FASTKD2: variants seen among roughly 807,000 people sequenced by gnomAD.
FASTKD2 encodes the protein FAST kinase domain-containing protein 2, mitochondrial.
A neutral mutation model predicts 63.6 loss-of-function variants in FASTKD2; 51 were observed. The ratio of observed to expected loss-of-function variants is 0.80; its 90% CI spans 0.64 to 1.01. The LOEUF is 1.01. Ranked by LOEUF, FASTKD2 falls within the 50% of genes least tolerant of loss-of-function variation. FASTKD2 has a pLI of 0.00. For synonymous variants in FASTKD2, 284 were observed against 293.4 expected (o/e 0.97, Z 0.33); for missense variants, 786 against 831.1 (o/e 0.95, Z 0.67).
Position 206,790,571 on chromosome 2 carries a change from G to A in FASTKD2, c.1899-1G>A, listed in dbSNP as rs750692484. ...CTTGTTTTGTTTATTTTTGTTTTCA[G>A]AGTAGCTGTGCTATGTGTTTCCAGA... is the stretch of plus-strand genomic sequence containing the variant. On this transcript the variant is annotated splice_acceptor_variant, in intron 10 of 11. Coordinates refer to ENST00000402774, the MANE Select transcript of FASTKD2 (RefSeq NM_001136193.2). LOFTEE classifies it high-confidence loss of function. 1 of 1,553,498 alleles carries A rather than the reference G, an allele frequency of 6.4e-7. No homozygotes were observed. The highest frequency in any genetic ancestry group is 8.9e-7 in the Non-Finnish European group (1 of 1,124,966).
rs543042440 is a variant in FASTKD2 at position 206,765,668 on chromosome 2, G to T, written c.-130G>T. On this transcript the variant is annotated 5_prime_UTR_variant, in exon 1 of 12. Transcript: ENST00000402774. ...TTGTGCTCTAAGGTGAGTGGAGGACGAGCTTGGGCTTAGCGGCAGCCCGTA... is the reference window on the plus strand; with the variant it reads ...TTGTGCTCTAAGGTGAGTGGAGGACTAGCTTGGGCTTAGCGGCAGCCCGTA... The T allele has an allele frequency of 5.6e-6, 2 of 355,216 alleles. No individual in the cohort carries two copies. The highest frequency in any genetic ancestry group is 8.0e-6 in the Non-Finnish European group (2 of 249,736). The allele number at this position is 355,216 out of a possible 1,614,324, so 22.0% of individuals were successfully genotyped here.
chr2:206,772,369 T>A, intron 6 of FASTKD2, 49 bp downstream of exon 6: 2 of 1,514,148 alleles, frequency 1.3e-6, no homozygotes, highest in Non-Finnish European at 1.8e-6. Context: ...TTTAAAACAC[T>A]AATTCATGTA....
intron 7 of FASTKD2, among the ~76,000 whole-genome samples, chr2:206,778,570 C>T (rs1020670128): frequency 6.6e-6 from 1 of 152,118 alleles, no homozygotes; most frequent in African/African-American, 2.4e-5. Context: ...AACATATAGT[C>T]TGTTCTTGAG....
At chr2:206,779,185 A>G (rs1689902622) in intron 7 of FASTKD2, among the ~76,000 whole-genome samples, 2 of 152,202 alleles carry the variant, frequency 1.3e-5, no homozygotes, top group South Asian at 4.1e-4. Flanking sequence ...TTTGTCTGAT[A>G]TAAGTATGGC....
intron 2 of FASTKD2, among the ~76,000 whole-genome samples, chr2:206,769,695 A>G (rs975433867): frequency 1.3e-5 from 2 of 152,226 alleles, no homozygotes; most frequent in Non-Finnish European, 2.9e-5. Flanking sequence ...GAGATGGGCT[A>G]GTTACCTTCT....
intron 3 of FASTKD2, 126 bp from the exon 4 acceptor site, chr2:206,771,056 G>T: frequency 1.5e-6 from 1 of 664,470 alleles, no homozygotes; most frequent in South Asian, 1.7e-5. Flanking sequence ...CTCTCAAGCA[G>T]GTAGATCATT....
intron 7 of FASTKD2, among the ~76,000 whole-genome samples, chr2:206,780,355 G>A (rs1283063106): frequency 3.9e-5 from 6 of 152,044 alleles, no homozygotes; most frequent in Non-Finnish European, 7.4e-5. Flanking sequence ...TTTGAAGGAC[G>A]GTTTTGCCAA....
intron 3 of FASTKD2, among the ~76,000 whole-genome samples, chr2:206,770,895 G>A (rs546288114): frequency 4.9e-4 from 74 of 152,264 alleles, no homozygotes; most frequent in African/African-American, 1.7e-3. Flanking sequence ...ATTAGTGAGA[G>A]TAAAACTTAA....
intron 7 of FASTKD2, among the ~76,000 whole-genome samples, chr2:206,783,841 T>C (rs1388460805): frequency 2.0e-5 from 3 of 152,292 alleles, no homozygotes; most frequent in Non-Finnish European, 4.4e-5. Flanking sequence ...TGATTTTGCC[T>C]CCCAGGGGAC....
In FASTKD2 at chr2:206,792,647, C is replaced by G. The variant is rs1026230193; in HGVS notation, c.*845C>G. On this transcript the variant is annotated 3_prime_UTR_variant, in exon 12 of 12. Coordinates refer to ENST00000402774, the MANE Select transcript of FASTKD2 (RefSeq NM_001136193.2). ...ATATAGTGATGAATAGGCATGGTCT[C>G]TTGTGGAACTTACAGCATGGGTTCC... The G allele has an allele frequency of 6.6e-6, 1 of 152,188 alleles. No homozygotes were observed. Among genetic ancestry groups the G allele is most frequent in the Non-Finnish European group, 1.5e-5 (1 of 68,048 alleles). 9.4% of individuals were successfully genotyped at this position (152,188 alleles called of 1,614,324 possible). A position where few individuals can be genotyped will look rare whatever the true frequency, so the allele number is the denominator to read the frequency against.
At position 206,765,634 on chromosome 2, in the gene FASTKD2, G is replaced by A. The variant is rs973931889; in HGVS notation, c.-164G>A. Reference sequence around the variant, plus strand: ...GCTGTCATGGCTGCTCCTGTACGTAGTCACGGTCTTGTGCTCTAAGGTGAG... The same window carrying A: ...GCTGTCATGGCTGCTCCTGTACGTAATCACGGTCTTGTGCTCTAAGGTGAG... On this transcript the variant is annotated 5_prime_UTR_variant, in exon 1 of 12. Coordinates refer to ENST00000402774, the MANE Select transcript of FASTKD2 (RefSeq NM_001136193.2). The A allele has an allele frequency of 5.7e-6, 4 of 700,030 alleles. No homozygotes were observed. The highest frequency in any genetic ancestry group is 1.0e-4 in the South Asian group (2 of 19,058). The allele number at this position is 700,030 out of a possible 1,614,324, so 43.4% of individuals were successfully genotyped here.
intron 7 of FASTKD2, among the ~76,000 whole-genome samples, chr2:206,786,391 A>G (rs2105985701): frequency 6.6e-6 from 1 of 152,340 alleles, no homozygotes; most frequent in Non-Finnish European, 1.5e-5. Context: ...ATGTTCTAAT[A>G]CTGCCTTTGC....
rs58656956 is a variant in FASTKD2, at chr2:206,793,220, C to CAAAAAAAAAAAAAAAAAA, written c.*1432_*1449dup. 4.6e-5 allele frequency among the ~76,000 whole-genome samples: 3 copies of CAAAAAAAAAAAAAAAAAA among 65,820 alleles called. No homozygotes were observed. The highest frequency in any genetic ancestry group is 1.8e-4 in the African/African-American group (3 of 16,240). The allele number at this position is 65,820 out of a possible 152,430, so 43.2% of individuals were successfully genotyped here. A position where few individuals can be genotyped will look rare whatever the true frequency, so the allele number is the denominator to read the frequency against. ...CTGACCACAGAGCGAGACTCTGTCT[C>CAAAAAAAAAAAAAAAAAA]AAAAAAAAAAAAAAAAAAAAAAAAA... is the stretch of plus-strand genomic sequence containing the variant. On this transcript the variant is annotated 3_prime_UTR_variant, in exon 12 of 12. Transcript: ENST00000402774.
At position 206,772,283 on chromosome 2, in the gene FASTKD2, A is replaced by T. The variant is rs1384265106; in HGVS notation, c.1217A>T (p.Tyr406Phe). The part of the protein sequence containing the change: ...NLDLFKGLAD[Y>F]VAATFDIWKF... The stretch of plus-strand genomic sequence containing the variant: ...GATCTCTTCAAGGGACTTGCAGATT[A>T]TGTGGCTGCAACTTTCGACATCTGG... Residue 406 changes from tyrosine (Y) to phenylalanine (F), a missense_variant, in exon 6 of 12, where the codon TAT becomes TTT. Tyr to Phe is a conservative substitution (Grantham distance 22). Coordinates refer to ENST00000402774, the MANE Select transcript of FASTKD2 (RefSeq NM_001136193.2). The T allele has an allele frequency of 6.2e-7, 1 of 1,613,984 alleles. No individual in the cohort carries two copies.
chr2:206,779,600 C>T lies in FASTKD2; in HGVS notation c.1427+5203C>T, dbSNP rs150845473. ...TCTTGTGAGAACTCCGTCACTATTACGAGAACAGCATGGGGGAAACTGCCC... is the reference window on the plus strand; with the variant it reads ...TCTTGTGAGAACTCCGTCACTATTATGAGAACAGCATGGGGGAAACTGCCC... On this transcript the variant is annotated intron_variant, in intron 7 of 11. Transcript: ENST00000402774. Among the ~76,000 whole-genome samples, 16 of 152,106 alleles carry T rather than the reference C, an allele frequency of 1.1e-4. 1 individual carries two copies. Among genetic ancestry groups the T allele is most frequent in the Admixed American group, 7.2e-4 (11 of 15,270 alleles).
Position 206,780,698 on chromosome 2 carries a change from C to T in FASTKD2, c.1428-6035C>T, listed in dbSNP as rs150947734. On this transcript the variant is annotated intron_variant, in intron 7 of 11. Transcript: ENST00000402774. ...TTCAGCCACTATTTCCTTAAATAAG[C>T]TTTCAGCTCCTTTTTTTCTTCTCCC... Among the ~76,000 whole-genome samples the T allele has an allele frequency of 3.1e-4, 47 of 152,240 alleles. No homozygotes were observed. The East Asian group carries it at 8.5e-3, about 27-fold the overall frequency.
chr2:206,766,018 G>A (rs1269606334), intron 1 of FASTKD2, among the ~76,000 whole-genome samples: 1 of 152,008 alleles, frequency 6.6e-6, no homozygotes, highest in Non-Finnish European at 1.5e-5. Flanking sequence ...CTCACGCCTT[G>A]GGAGGCCGAG....
intron 7 of FASTKD2, among the ~76,000 whole-genome samples, chr2:206,783,821 C>G (rs1476047711): frequency 1.3e-5 from 2 of 152,130 alleles, no homozygotes; most frequent in African/African-American, 2.4e-5. Context: ...TAGTGGTTTT[C>G]AAACAGGGAT....
At chr2:206,777,016 A>G (rs1375226728) in intron 7 of FASTKD2, among the ~76,000 whole-genome samples, 3 of 142,522 alleles carry the variant, frequency 2.1e-5, no homozygotes, top group Middle Eastern at 3.7e-3. Flanking sequence ...TCACTTCCTT[A>G]AGTTTATTCC....
Sources: allele counts gnomAD v4.1 joint callset (sites outside exome capture counted in the v4.1 genomes callset), GRCh38; gene constraint gnomAD v4.1.1; transcripts MANE v1.5; gene names NCBI Gene and HGNC (gene_info 2026-07-23, HGNC 2026-07-21).